Variants in INSL6 observed in about 807,000 individuals in gnomAD.
INSL6 encodes insulin like 6.
In INSL6, 16 loss-of-function variants were observed where a neutral mutation model predicts 9.4. The observed-to-expected ratio is 1.70, with a 90% CI of 1.15 to 2.59. INSL6 has a LOEUF of 2.59. Among genes scored for constraint, INSL6 ranks in the 30% most tolerant of loss-of-function variants. INSL6 has a pLI of 0.00. For synonymous variants in INSL6, 154 were observed against 96.9 expected (o/e 1.59, Z -3.46); for missense variants, 391 against 257.3 (o/e 1.52, Z -3.56).
the INSL6 span, among the ~76,000 whole-genome samples, chr9:5,033,106 C>T: frequency 6.6e-6 from 1 of 152,124 alleles, no homozygotes; most frequent in African/African-American, 2.4e-5. Context: ...AATGCACAAG[C>T]CTCAGTAGCC....
the INSL6 span, among the ~76,000 whole-genome samples, chr9:4,992,534 T>C: frequency 6.6e-6 from 1 of 152,088 alleles, no homozygotes; most frequent in South Asian, 2.1e-4. Flanking sequence ...AAACTTCACA[T>C]CCCTCCTGTA....
chr9:5,128,073 G>A (rs1824114000), intron 3 of INSL6: 1 of 198,632 alleles, frequency 5.0e-6, no homozygotes. Flanking sequence ...ATAAAATATG[G>A]TGGGTTTTGT....
chr9:5,164,066 C>T lies in INSL6; in HGVS notation c.489G>A (p.Trp163Ter), dbSNP rs202029159. The change falls in exon 2 of 2, where the codon TGG becomes TGA. Residue 163 changes from tryptophan to a stop codon, truncating the protein, a stop_gained. Transcript: ENST00000381641. LOFTEE classifies it high-confidence loss of function. Reference sequence around the variant, plus strand: ...TGCGTTTTCTTTGGGGATGATGCCCCCAAAACAAATTGCTTAAGGTTTTAA... The same window carrying T: ...TGCGTTTTCTTTGGGGATGATGCCCTCAAAACAAATTGCTTAAGGTTTTAA... ...NKIKTLSNLF[W>*]GHHPQRKRRG... The T allele has an allele frequency of 3.4e-4, 547 of 1,613,596 alleles. 1 individual carries two copies. The highest frequency in any genetic ancestry group is 3.4e-4 in the Non-Finnish European group (405 of 1,179,868).
the INSL6 span, among the ~76,000 whole-genome samples, chr9:5,115,451 A>G: frequency 6.6e-6 from 1 of 152,246 alleles, no homozygotes; most frequent in African/African-American, 2.4e-5. Flanking sequence ...GAATGCTTTT[A>G]CATTGTTGAT....
At chr9:5,100,172 T>C in the INSL6 span, 2 of 152,220 alleles carry the variant, frequency 1.3e-5, no homozygotes, top group Non-Finnish European at 2.9e-5. Context: ...AAATTCGCCA[T>C]AGACCTTATT....
the INSL6 span, among the ~76,000 whole-genome samples, chr9:5,052,157 C>T: frequency 6.6e-6 from 1 of 151,996 alleles, no homozygotes; most frequent in Non-Finnish European, 1.5e-5. Flanking sequence ...AATATGAAGC[C>T]ATCTCTAGAC....
chr9:5,079,276 C>G, the INSL6 span, among the ~76,000 whole-genome samples: 1 of 149,068 alleles, frequency 6.7e-6, no homozygotes, highest in Non-Finnish European at 1.5e-5. Context: ...ATTTGTCAAT[C>G]AATCTATTTG....
chr9:5,138,404 C>A (rs12336875), intron 2 of INSL6, among the ~76,000 whole-genome samples: 50,578 of 152,014 alleles, frequency 0.33, 8,782 homozygotes, highest in African/African-American at 0.44. Flanking sequence ...GTGCAGCCAT[C>A]AACAAGGATG....
At chr9:5,176,988 G>T (rs1212533695) in intron 1 of INSL6, among the ~76,000 whole-genome samples, 1 of 152,042 alleles carries the variant, frequency 6.6e-6, no homozygotes, top group Non-Finnish European at 1.5e-5. Context: ...TTTCCATAAA[G>T]AAAACTTTAA....
the INSL6 span, chr9:5,094,265 A>C: frequency 6.6e-6 from 1 of 152,146 alleles, no homozygotes; most frequent in Non-Finnish European, 1.5e-5. Context: ...TACGACCCTC[A>C]ACGTCTACTG....
the INSL6 span, among the ~76,000 whole-genome samples, chr9:5,017,813 T>G: frequency 1.3e-5 from 2 of 152,258 alleles, no homozygotes; most frequent in African/African-American, 2.4e-5. Context: ...TTGTTGTTGT[T>G]GTTTTGATAC....
chr9:5,135,772 C>A (rs188730923), intron 2 of INSL6, among the ~76,000 whole-genome samples: 2 of 151,976 alleles, frequency 1.3e-5, no homozygotes, highest in Non-Finnish European at 2.9e-5. Context: ...TAACTAAGAT[C>A]AGAGCAGAAC....
chr9:5,164,960 C>A (rs910616145), intron 1 of INSL6, among the ~76,000 whole-genome samples: 3 of 152,210 alleles, frequency 2.0e-5, no homozygotes, highest in Admixed American at 6.5e-5. Context: ...GTAATCCCAG[C>A]ACTCTGGGAG....
chr9:5,076,606 A>T, the INSL6 span, among the ~76,000 whole-genome samples: 1 of 152,158 alleles, frequency 6.6e-6, no homozygotes, highest in Non-Finnish European at 1.5e-5. Flanking sequence ...ATGCATTGGG[A>T]TACCAAGAAA....
At chr9:5,105,735 A>G in the INSL6 span, among the ~76,000 whole-genome samples, 1 of 152,244 alleles carries the variant, frequency 6.6e-6, no homozygotes, top group Admixed American at 6.5e-5. Context: ...ATGGAACAGA[A>G]CAGAGGCCTC....
chr9:5,108,824 A>C, the INSL6 span: 4 of 152,070 alleles, frequency 2.6e-5, no homozygotes, highest in Non-Finnish European at 4.4e-5. Flanking sequence ...TAGCTCTCCT[A>C]ATCCAAACCC....
At chr9:5,130,052 T>TTATC (rs1355718719) in intron 3 of INSL6, among the ~76,000 whole-genome samples, 1 of 152,110 alleles carries the variant, frequency 6.6e-6, no homozygotes, top group East Asian at 1.9e-4. Flanking sequence ...AGGAAAAGCC[T>TTATC]TATCTCCAAC....
chr9:5,080,157 A>G, the INSL6 span: 1 of 1,170,622 alleles, frequency 8.5e-7, no homozygotes, highest in African/African-American at 1.5e-5. Context: ...TTGAACTTTA[A>G]AGCTATTTAC....
At chr9:5,143,610 CTATTT>C (rs1181295742) in intron 2 of INSL6, among the ~76,000 whole-genome samples, 1 of 150,190 alleles carries the variant, frequency 6.7e-6, no homozygotes, top group African/African-American at 2.4e-5. Flanking sequence ...ACTGGTCTAT[CTATTT>C]TATTAGTTTT....
Sources: allele counts gnomAD v4.1 joint callset (sites outside exome capture counted in the v4.1 genomes callset), GRCh38; gene constraint gnomAD v4.1.1; transcripts MANE v1.5; gene names NCBI Gene and HGNC (gene_info 2026-07-23, HGNC 2026-07-21).